Variants in KNTC1 observed in about 807,000 individuals in gnomAD.
KNTC1 encodes kinetochore associated 1.
Under a neutral mutation model 314.4 loss-of-function variants are expected in KNTC1, and 253 were observed. That is an observed-to-expected ratio of 0.80 (90% CI 0.73 to 0.89). The LOEUF (loss-of-function observed/expected upper bound fraction) is 0.89, where lower values mean the gene tolerates loss of function less well. KNTC1 is among the 40% of genes least tolerant of loss of function. KNTC1 has a pLI of 0.00. For missense variants in KNTC1, 2,475 were observed against 2,572.9 expected, an observed-to-expected ratio of 0.96 and a Z score of 0.82; for synonymous variants, 901 against 901.4, an observed-to-expected ratio of 1.00 and a Z score of 0.01.
In KNTC1 at chr12:122,536,231, A is replaced by AT. The variant is rs1245443623; in HGVS notation, c.250+1461dup. Among the ~76,000 whole-genome samples the AT allele has an allele frequency of 5.5e-3, 761 of 137,768 alleles. 2 individuals carry two copies. The highest frequency in any genetic ancestry group is 0.016 in the African/African-American group (609 of 37,224). The allele number at this position is 137,768 out of a possible 152,430, so 90.4% of individuals were successfully genotyped here. On this transcript the variant is annotated intron_variant, in intron 3 of 63. Coordinates refer to ENST00000333479, the MANE Select transcript of KNTC1 (RefSeq NM_014708.6). ...AAAGTTTTTTCTTTCTTGAGTAGAA[A>AT]TTTTTTTTTTTTTTGAGATGTAGTC...
chr12:122,600,664 C>G (rs1277401202), intron 44 of KNTC1, among the ~76,000 whole-genome samples: 2 of 151,092 alleles, frequency 1.3e-5, no homozygotes, highest in Non-Finnish European at 2.9e-5. Flanking sequence ...ATCTTAAGAG[C>G]TTCCTTCTTT....
Position 122,626,327 on chromosome 12 carries a change from T to G in KNTC1, c.*99T>G. 1.2e-6 allele frequency: 1 copy of G among 820,674 alleles called. No homozygotes were observed. The highest frequency in any genetic ancestry group is 2.0e-6 in the Non-Finnish European group (1 of 497,894). 50.8% of individuals were successfully genotyped at this position (820,674 alleles called of 1,614,324 possible). ...TTTAAATTGTACAATCTCTGTATTA[T>G]AGCTATTTGTCTAACATTACCCCAC... On this transcript the variant is annotated 3_prime_UTR_variant, in exon 64 of 64. Transcript: ENST00000333479.
At chr12:122,560,278 TCTG>T (rs1252826857) in intron 18 of KNTC1, among the ~76,000 whole-genome samples, 5 of 152,198 alleles carry the variant, frequency 3.3e-5, no homozygotes, top group Non-Finnish European at 5.9e-5. Context: ...TGTGAATAAT[TCTG>T]CTATGAACAT....
chr12:122,576,630 G>A (rs910295902), intron 29 of KNTC1, among the ~76,000 whole-genome samples: 4 of 152,050 alleles, frequency 2.6e-5, no homozygotes, highest in Non-Finnish European at 5.9e-5. Context: ...GCAGTGAGCC[G>A]AGATTGCGCC....
chr12:122,576,081 T>G (rs753442116), intron 29 of KNTC1, among the ~76,000 whole-genome samples, 182 bp downstream of exon 29: 12 of 152,156 alleles, frequency 7.9e-5, no homozygotes, highest in Non-Finnish European at 1.5e-4. Context: ...CTTTTTGACA[T>G]GGAGTTTCGC....
chr12:122,537,223 G>T (rs1367194488), intron 3 of KNTC1, among the ~76,000 whole-genome samples: 2 of 152,102 alleles, frequency 1.3e-5, no homozygotes, highest in African/African-American at 4.8e-5. Flanking sequence ...CCATCTGAAT[G>T]CTCGGAATGC....
At position 122,575,591 on chromosome 12, in the gene KNTC1, TG is replaced by T. The variant is rs1246515751; in HGVS notation, c.2433del (p.Trp811Ter). 12 of 1,599,628 alleles carry T rather than the reference TG, an allele frequency of 7.5e-6. No homozygotes were observed. The highest frequency in any genetic ancestry group is 1.0e-5 in the Non-Finnish European group (12 of 1,172,892). ...LKIMYAAVVP[W>X]SAAVEQLVKQ... Reference sequence around the variant, plus strand: ...GATCATGTATGCGGCAGTGGTTCCTTGGAGTGCAGCTGTGGAGCAACTGGTG... The same window carrying T: ...GATCATGTATGCGGCAGTGGTTCCTTGAGTGCAGCTGTGGAGCAACTGGTG... On this transcript the variant is annotated frameshift_variant, in exon 28 of 64. Coordinates refer to ENST00000333479, the MANE Select transcript of KNTC1 (RefSeq NM_014708.6). LOFTEE classifies it high-confidence loss of function.
intron 3 of KNTC1, among the ~76,000 whole-genome samples, chr12:122,536,377 A>G (rs1319121041): frequency 6.7e-6 from 1 of 150,294 alleles, no homozygotes; most frequent in African/African-American, 2.5e-5. Context: ...ACAGGCACCC[A>G]TCACCACGCC....
intron 50 of KNTC1, 43 bp from the exon 51 acceptor site, chr12:122,605,263 T>C (rs2138127914): frequency 2.3e-6 from 3 of 1,318,038 alleles, no homozygotes; most frequent in South Asian, 1.3e-5. Context: ...AATATAAATA[T>C]TTAAAACTTG....
chr12:122,600,423 T>C (rs56003869), intron 44 of KNTC1, among the ~76,000 whole-genome samples: 13,523 of 152,134 alleles, frequency 0.089, 2,009 homozygotes, highest in African/African-American at 0.31. Flanking sequence ...TTTGTGTTAA[T>C]ATGTATATAT....
At chr12:122,534,518 G>T (rs749212982) in intron 2 of KNTC1, 146 bp from the exon 3 acceptor site, 1 of 700,832 alleles carries the variant, frequency 1.4e-6, no homozygotes, top group Non-Finnish European at 2.3e-6. Flanking sequence ...AGAAAAACTC[G>T]ATGATTAATT....
At chr12:122,624,412 G>C (rs891867762) in intron 62 of KNTC1, among the ~76,000 whole-genome samples, 186 bp from the exon 63 acceptor site, 1 of 152,112 alleles carries the variant, frequency 6.6e-6, no homozygotes. Context: ...GGGACTACAA[G>C]TGTGCAACAC....
chr12:122,557,272 T>C, intron 16 of KNTC1, 112 bp from the exon 17 acceptor site: 2 of 973,134 alleles, frequency 2.1e-6, no homozygotes, highest in South Asian at 1.6e-5. Context: ...CTGGAGCGCA[T>C]GAGGATTCAC....
intron 16 of KNTC1, among the ~76,000 whole-genome samples, chr12:122,554,143 C>G (rs1172634873): frequency 1.0e-4 from 15 of 146,670 alleles, no homozygotes. Context: ...GTTGGCCAGG[C>G]TGGTCTCGAA....
chr12:122,618,505 C>G lies in KNTC1; in HGVS notation c.6109C>G (p.Gln2037Glu). Residue 2037 changes from glutamine to glutamate, a missense_variant, in exon 59 of 64, where the codon CAG (glutamine) becomes GAG (glutamate). Gln to Glu is a conservative substitution (Grantham distance 29). Transcript: ENST00000333479. Reference sequence around the variant, plus strand: ...AGCCTCTTGTCCTTTAAGTCCTGATCAGCTGTCAGATTGTTCTGAGAGTCT... The same window carrying G: ...AGCCTCTTGTCCTTTAAGTCCTGATGAGCTGTCAGATTGTTCTGAGAGTCT... ...LSASCPLSPD[Q>E]LSDCSESLIA... 6.2e-7 allele frequency: 1 copy of G among 1,608,776 alleles called. No individual in the cohort carries two copies. The highest frequency in any genetic ancestry group is 8.5e-7 in the Non-Finnish European group (1 of 1,178,788).
At chr12:122,592,743 C>G (rs1323150839) in intron 42 of KNTC1, 2 of 152,260 alleles carry the variant, frequency 1.3e-5, no homozygotes, top group African/African-American at 2.4e-5. Context: ...ACAGGCCACT[C>G]GGCTCTACCA....
rs368591918 is a variant in KNTC1, at chr12:122,538,394, C to T, written c.306C>T (p.Gly102=). Residue 102 remains glycine (G), a synonymous_variant, in exon 4 of 64, where the codon GGC becomes GGT. Transcript: ENST00000333479. ...AAGAAGGAAAGTTTCTTTTGGTTGG[C>T]GAGAGAAGTGGCAACCTACATCTTA... ...LCQEGKFLLV[G]ERSGNLHLIH... 27 of 1,605,770 alleles carry T rather than the reference C, an allele frequency of 1.7e-5. No homozygotes were observed. Among genetic ancestry groups the T allele is most frequent in the Non-Finnish European group, 2.1e-5 (25 of 1,175,798 alleles).
chr12:122,615,402 TG>T, intron 56 of KNTC1, 67 bp from the exon 57 acceptor site: 1 of 1,274,052 alleles, frequency 7.8e-7, no homozygotes, highest in Non-Finnish European at 1.1e-6. Context: ...CTTTAACATC[TG>T]GTATTTCACA....
intron 62 of KNTC1, 116 bp downstream of exon 62, chr12:122,622,723 T>G (rs1593700598): frequency 1.3e-6 from 1 of 775,862 alleles, no homozygotes; most frequent in African/African-American, 1.8e-5. Flanking sequence ...CTGAGGTGGG[T>G]GGATCACCTG....
Sources: gnomAD v4.1 joint callset for allele counts (sites outside exome capture counted in the v4.1 genomes callset) on GRCh38, gnomAD v4.1.1 for gene constraint, MANE v1.5 for transcripts, NCBI Gene and HGNC (gene_info 2026-07-23, HGNC 2026-07-21) for gene names.